The following ARL13B variants were observed in gnomAD, a reference collection of about 807,000 sequenced individuals.
ARL13B encodes ADP-ribosylation factor-like protein 13B.
ARL13B carries 36 observed loss-of-function variants against 56.1 expected under a neutral mutation model. The observed-to-expected ratio is 0.64, with a 90% CI of 0.49 to 0.85. The LOEUF (loss-of-function observed/expected upper bound fraction) is 0.85, where lower values mean the gene tolerates loss of function less well. Among genes scored for constraint, ARL13B ranks in the 40% least tolerant of loss-of-function variants. ARL13B has a pLI of 0.00. For synonymous variants in ARL13B, 178 were observed against 171.1 expected (o/e 1.04, Z -0.32); for missense variants, 519 against 507.1 (o/e 1.02, Z -0.23).
intron 2 of ARL13B, among the ~76,000 whole-genome samples, chr3:94,001,468 A>G (rs755752751): frequency 1.3e-5 from 2 of 152,212 alleles, no homozygotes; most frequent in Non-Finnish European, 2.9e-5. Context: ...GTTCACTCAC[A>G]ATGAAGTCTT....
Position 94,053,453 on chromosome 3 carries a change from AAAG to A in ARL13B, c.*194_*196del. On this transcript the variant is annotated 3_prime_UTR_variant, in exon 10 of 10. Coordinates refer to ENST00000394222, the MANE Select transcript of ARL13B (RefSeq NM_001174150.2). ...TGTGTTTTTCATGGTTAAAAAAATA[AAAG>A]AAGCACAATGACCAGTACATGAAAT... 1.4e-6 allele frequency: 1 copy of A among 694,246 alleles called. No individual in the cohort carries two copies. 43.0% of individuals were successfully genotyped at this position (694,246 alleles called of 1,614,324 possible). A position where few individuals can be genotyped will look rare whatever the true frequency, so the allele number is the denominator to read the frequency against.
chr3:94,039,858 A>G lies in ARL13B; in HGVS notation c.690-22A>G, dbSNP rs1560007300. On this transcript the variant is annotated intron_variant, in intron 5 of 9. Coordinates refer to ENST00000394222, the MANE Select transcript of ARL13B (RefSeq NM_001174150.2). The stretch of plus-strand genomic sequence containing the variant: ...CAGCACTTTCTCAAAGGAAATTTCA[A>G]TTATTTTTCCTCAAACGATAGAAAA... 3.1e-6 allele frequency: 5 copies of G among 1,607,404 alleles called. No individual in the cohort carries two copies. The South Asian group carries it at 4.4e-5, about 14-fold the overall frequency.
At chr3:93,992,072 G>A (rs2075886555) in intron 1 of ARL13B, among the ~76,000 whole-genome samples, 1 of 151,782 alleles carries the variant, frequency 6.6e-6, no homozygotes, top group African/African-American at 2.4e-5. Context: ...TTGTTTGTTT[G>A]AGCCTAATAG....
intron 1 of ARL13B, among the ~76,000 whole-genome samples, chr3:93,982,754 C>T (rs1710280691): frequency 6.6e-6 from 1 of 152,066 alleles, no homozygotes; most frequent in African/African-American, 2.4e-5. Flanking sequence ...TTCTAAGTCC[C>T]CTTGTTCAAT....
At chr3:94,009,203 A>G (rs920769526) in intron 3 of ARL13B, among the ~76,000 whole-genome samples, 2 of 152,052 alleles carry the variant, frequency 1.3e-5, no homozygotes, top group African/African-American at 2.4e-5. Flanking sequence ...GTGTATGTAC[A>G]TTTTTCTTGT....
chr3:94,015,544 CAGTT>C (rs1419401554), intron 3 of ARL13B, among the ~76,000 whole-genome samples: 1 of 152,124 alleles, frequency 6.6e-6, no homozygotes, highest in African/African-American at 2.4e-5. Context: ...GATGCAGACA[CAGTT>C]GGTCAAAAAT....
intron 3 of ARL13B, among the ~76,000 whole-genome samples, chr3:94,027,876 T>C (rs1481303700): frequency 6.6e-6 from 1 of 152,124 alleles, no homozygotes; most frequent in Non-Finnish European, 1.5e-5. Flanking sequence ...TTTTTTCAAT[T>C]TTAGAAGATT....
At chr3:93,992,440 C>T (rs1469247154) in intron 1 of ARL13B, among the ~76,000 whole-genome samples, 1 of 152,168 alleles carries the variant, frequency 6.6e-6, no homozygotes, top group Non-Finnish European at 1.5e-5. Flanking sequence ...TGACTGCCCA[C>T]TGCTTCCCCT....
chr3:93,994,095 T>G (rs1189859857), intron 1 of ARL13B, among the ~76,000 whole-genome samples: 2 of 152,242 alleles, frequency 1.3e-5, no homozygotes, highest in African/African-American at 4.8e-5. Flanking sequence ...GAATTCGTTT[T>G]ACTCATAGTA....
chr3:94,009,929 A>G (rs1364443087), intron 3 of ARL13B, among the ~76,000 whole-genome samples: 1 of 152,130 alleles, frequency 6.6e-6, no homozygotes, highest in Non-Finnish European at 1.5e-5. Flanking sequence ...TATCACTTCA[A>G]TCTAGTTAAA....
Position 93,980,359 on chromosome 3 carries a change from G to A in ARL13B, c.-65G>A. The stretch of plus-strand genomic sequence containing the variant: ...GTCTCGGAGTGCCGGAGGCCCCCGG[G>A]GAAGAGCGGGGTGCCGGTGTCCGCT... On this transcript the variant is annotated 5_prime_UTR_variant, in exon 1 of 10. Coordinates refer to ENST00000394222, the MANE Select transcript of ARL13B (RefSeq NM_001174150.2). The A allele has an allele frequency of 6.3e-7, 1 of 1,596,288 alleles. No homozygotes were observed.
At chr3:94,010,322 T>A (rs2076202834) in intron 3 of ARL13B, among the ~76,000 whole-genome samples, 2 of 152,106 alleles carry the variant, frequency 1.3e-5, no homozygotes, top group African/African-American at 4.8e-5. Context: ...GATGTGAATA[T>A]CATTATTATT....
chr3:94,039,844 C>A, intron 5 of ARL13B, 36 bp from the exon 6 acceptor site: 1 of 1,588,698 alleles, frequency 6.3e-7, no homozygotes, highest in South Asian at 1.1e-5. Context: ...AGCACTTTCT[C>A]AAAGGAAATT....
intron 3 of ARL13B, among the ~76,000 whole-genome samples, chr3:94,031,191 C>G (rs942215473): frequency 6.6e-6 from 1 of 151,326 alleles, no homozygotes; most frequent in Non-Finnish European, 1.5e-5. Context: ...GACCCTGTCT[C>G]AAAGAAATAA....
At chr3:94,016,681 C>G (rs2076340032) in intron 3 of ARL13B, among the ~76,000 whole-genome samples, 2 of 144,612 alleles carry the variant, frequency 1.4e-5, no homozygotes, top group Admixed American at 1.4e-4. Flanking sequence ...GAGTCTTGCT[C>G]TGATGCCCCG....
intron 2 of ARL13B, among the ~76,000 whole-genome samples, chr3:93,998,573 C>T (rs188907514): frequency 6.6e-6 from 1 of 152,258 alleles, no homozygotes; most frequent in Admixed American, 6.5e-5. Flanking sequence ...GTGTTGTTCT[C>T]ACTTACCTAA....
chr3:94,011,750 C>G (rs1174529894), intron 3 of ARL13B, among the ~76,000 whole-genome samples: 1 of 152,038 alleles, frequency 6.6e-6, no homozygotes, highest in Non-Finnish European at 1.5e-5. Context: ...TGTTTCTTGC[C>G]TGGAAGTATA....
Position 93,998,421 on chromosome 3 carries a change from G to A in ARL13B, c.130+2477G>A, listed in dbSNP as rs982408894. ...TAATGTCAAAGCTGCCTTCAACTTC[G>A]AGCCCCACTCCCCATTCTCTTTTTG... On this transcript the variant is annotated intron_variant, in intron 2 of 9. Coordinates refer to ENST00000394222, the MANE Select transcript of ARL13B (RefSeq NM_001174150.2). 4.0e-5 allele frequency among the ~76,000 whole-genome samples: 6 copies of A among 151,880 alleles called. No homozygotes were observed. In the East Asian group the frequency reaches 7.8e-4, roughly 20 times the overall value.
At chr3:93,991,252 G>C (rs946149920) in intron 1 of ARL13B, among the ~76,000 whole-genome samples, 4 of 152,116 alleles carry the variant, frequency 2.6e-5, no homozygotes, top group African/African-American at 7.2e-5. Context: ...TAATGTATTT[G>C]ATCAAATAAT....
Sources: allele counts gnomAD v4.1 joint callset (sites outside exome capture counted in the v4.1 genomes callset), GRCh38; gene constraint gnomAD v4.1.1; transcripts MANE v1.5; gene names NCBI Gene and HGNC (gene_info 2026-07-23, HGNC 2026-07-21).